Variants in ATG10 observed in about 807,000 individuals in gnomAD.
The protein encoded by ATG10 is ubiquitin-like-conjugating enzyme ATG10.
Under a neutral mutation model 32.1 loss-of-function variants are expected in ATG10, and 30 were observed. That is an observed-to-expected ratio of 0.94 (90% CI 0.70 to 1.27). The LOEUF is 1.27. ATG10 is among the 50% of genes most tolerant of loss of function. The pLI, the probability that ATG10 is intolerant of heterozygous loss-of-function variation, is 0.00. For missense variants in ATG10, 233 were observed against 262.3 expected (o/e 0.89, Z 0.77); for synonymous variants, 87 against 91.5 (o/e 0.95, Z 0.28).
chr5:82,125,868 T>C (rs1430444611), intron 3 of ATG10, among the ~76,000 whole-genome samples: 1 of 152,220 alleles, frequency 6.6e-6, no homozygotes, highest in African/African-American at 2.4e-5. Context: ...GTTTGGGCAG[T>C]ATGGCCATTT....
chr5:82,085,003 G>T (rs1265338568), intron 3 of ATG10, among the ~76,000 whole-genome samples: 7 of 152,048 alleles, frequency 4.6e-5, no homozygotes, highest in Non-Finnish European at 7.4e-5. Context: ...AATGTAAATG[G>T]GCTAAATGCT....
At chr5:82,111,042 T>C (rs1332416364) in intron 3 of ATG10, among the ~76,000 whole-genome samples, 1 of 151,972 alleles carries the variant, frequency 6.6e-6, no homozygotes, top group African/African-American at 2.4e-5. Flanking sequence ...TTAGGATACA[T>C]GTTTCTGTTT....
intron 5 of ATG10, among the ~76,000 whole-genome samples, chr5:82,203,241 A>AT (rs1554057188): frequency 1.8e-4 from 27 of 151,322 alleles, no homozygotes; most frequent in African/African-American, 6.1e-4. Context: ...AAAAAAAAAA[A>AT]GTAATGGGGA....
At chr5:82,175,387 C>T (rs1421800532) in intron 4 of ATG10, among the ~76,000 whole-genome samples, 2 of 152,098 alleles carry the variant, frequency 1.3e-5, no homozygotes, top group Non-Finnish European at 2.9e-5. Context: ...TTCAAATAAT[C>T]CTCCCACCTG....
intron 2 of ATG10, among the ~76,000 whole-genome samples, chr5:82,038,628 C>T (rs761512812): frequency 6.6e-6 from 1 of 152,148 alleles, no homozygotes; most frequent in Non-Finnish European, 1.5e-5. Flanking sequence ...CTGGCCAGTT[C>T]TCTCTTTCTA....
At chr5:82,162,934 A>G (rs1196795154) in intron 3 of ATG10, among the ~76,000 whole-genome samples, 1 of 152,100 alleles carries the variant, frequency 6.6e-6, no homozygotes, top group Non-Finnish European at 1.5e-5. Flanking sequence ...CCTGTTAACG[A>G]TGGTTACAAA....
intron 5 of ATG10, among the ~76,000 whole-genome samples, chr5:82,252,044 T>TC (rs1301044762): frequency 5.3e-5 from 8 of 152,180 alleles, no homozygotes; most frequent in African/African-American, 1.9e-4. Flanking sequence ...TCTCCTCCCA[T>TC]CCCTGGTTCT....
Position 82,155,642 on chromosome 5 carries a change from TG to T in ATG10, c.217-8754del, listed in dbSNP as rs1391730712. On this transcript the variant is annotated intron_variant, in intron 3 of 7. Coordinates refer to ENST00000282185, the MANE Select transcript of ATG10 (RefSeq NM_031482.5). ...GAGATATAAGAAAAATTAGAGAAAC[TG>T]GGCTTATTCAATATGGGGAACAAAT... 5.9e-5 allele frequency among the ~76,000 whole-genome samples: 9 copies of T among 152,288 alleles called. No individual in the cohort carries two copies. In the East Asian group the frequency reaches 1.7e-3, roughly 29 times the overall value.
At chr5:82,148,521 T>G (rs1767455860) in intron 3 of ATG10, among the ~76,000 whole-genome samples, 1 of 152,212 alleles carries the variant, frequency 6.6e-6, no homozygotes, top group Non-Finnish European at 1.5e-5. Context: ...AACATACAGA[T>G]AAACCCAGAT....
In ATG10 at chr5:81,985,022, A is replaced by T. The variant is rs1460431286; in HGVS notation, c.-12-2537A>T. 2.0e-5 allele frequency among the ~76,000 whole-genome samples: 3 copies of T among 152,188 alleles called. No homozygotes were observed. In the South Asian group the frequency reaches 6.2e-4, roughly 31 times the overall value. ...TTTTAAAAGTATTCAACCAAATATCAATTAGTGTTTTGATGTTCAGTCATC... is the reference window on the plus strand; with the variant it reads ...TTTTAAAAGTATTCAACCAAATATCTATTAGTGTTTTGATGTTCAGTCATC... On this transcript the variant is annotated intron_variant, in intron 1 of 7. Transcript: ENST00000282185.
At position 81,973,688 on chromosome 5, in the gene ATG10, A is replaced by C. The variant is rs75103457; in HGVS notation, c.-13+1382A>C. ...TAGGCCCTGTGTGGTACTCAAATACATCTTAGGACTCCAAGTAGAATCCTT... is the reference window on the plus strand; with the variant it reads ...TAGGCCCTGTGTGGTACTCAAATACCTCTTAGGACTCCAAGTAGAATCCTT... On this transcript the variant is annotated intron_variant, in intron 1 of 7. Coordinates refer to ENST00000282185, the MANE Select transcript of ATG10 (RefSeq NM_031482.5). Among the ~76,000 whole-genome samples, 843 of 152,354 alleles carry C rather than the reference A, an allele frequency of 5.5e-3. 7 individuals carry two copies. Among genetic ancestry groups the C allele is most frequent in the African/African-American group, 0.019 (805 of 41,586 alleles).
chr5:82,138,227 G>T (rs1354173813), intron 3 of ATG10, among the ~76,000 whole-genome samples: 1 of 152,164 alleles, frequency 6.6e-6, no homozygotes, highest in African/African-American at 2.4e-5. Context: ...CTTTCCAGGG[G>T]AGTGAATGAT....
At chr5:82,033,407 G>A (rs1346884245) in intron 2 of ATG10, among the ~76,000 whole-genome samples, 7 of 149,658 alleles carry the variant, frequency 4.7e-5, no homozygotes, top group African/African-American at 1.5e-4. Context: ...GCACGATCTC[G>A]GTTCACTGCA....
At chr5:82,175,899 A>G (rs1321329194) in intron 4 of ATG10, among the ~76,000 whole-genome samples, 1 of 148,236 alleles carries the variant, frequency 6.7e-6, no homozygotes, top group East Asian at 2.0e-4. Flanking sequence ...ACACACACAC[A>G]CACACACACC....
At position 82,006,714 on chromosome 5, in the gene ATG10, A is replaced by T. The variant is rs1761995932; in HGVS notation, c.108+19036A>T. 1.1e-4 allele frequency among the ~76,000 whole-genome samples: 17 copies of T among 152,338 alleles called. No individual in the cohort carries two copies. In the South Asian group the frequency reaches 3.5e-3, roughly 32 times the overall value. On this transcript the variant is annotated intron_variant, in intron 2 of 7. Coordinates refer to ENST00000282185, the MANE Select transcript of ATG10 (RefSeq NM_031482.5). The stretch of plus-strand genomic sequence containing the variant: ...AACCACTTTAAGTATACAGTACGGT[A>T]GTGTTAAGTGCATTCATATTGTTGT...
chr5:82,187,959 T>C (rs1388484257), intron 5 of ATG10, among the ~76,000 whole-genome samples: 1 of 152,194 alleles, frequency 6.6e-6, no homozygotes, highest in East Asian at 1.9e-4. Context: ...TAAATGCATA[T>C]TGAATGCTAT....
chr5:82,019,311 T>C (rs1163784943), intron 2 of ATG10, among the ~76,000 whole-genome samples: 1 of 152,110 alleles, frequency 6.6e-6, no homozygotes, highest in African/African-American at 2.4e-5. Flanking sequence ...TCAGTAAAAA[T>C]GGATTTTTTT....
At chr5:82,146,399 G>A (rs1044225825) in intron 3 of ATG10, among the ~76,000 whole-genome samples, 1 of 151,966 alleles carries the variant, frequency 6.6e-6, no homozygotes, top group African/African-American at 2.4e-5. Flanking sequence ...GTGTATAGGT[G>A]TTGATTTATT....
At chr5:82,149,706 A>G (rs1390500892) in intron 3 of ATG10, among the ~76,000 whole-genome samples, 1 of 152,120 alleles carries the variant, frequency 6.6e-6, no homozygotes. Context: ...AAAAATTTTT[A>G]GCTGATAATG....
Sources: gnomAD v4.1 joint callset for allele counts (sites outside exome capture counted in the v4.1 genomes callset) on GRCh38, gnomAD v4.1.1 for gene constraint, MANE v1.5 for transcripts, NCBI Gene and HGNC (gene_info 2026-07-23, HGNC 2026-07-21) for gene names.